Variants in FBXO34 observed in about 807,000 individuals in gnomAD.
FBXO34 encodes F-box protein 34, also known as F-box only protein 34.
FBXO34 carries 12 observed loss-of-function variants against 24.5 expected under a neutral mutation model. The ratio of observed to expected loss-of-function variants is 0.49; its 90% CI spans 0.31 to 0.79. The LOEUF (loss-of-function observed/expected upper bound fraction) is 0.79, where lower values mean the gene tolerates loss of function less well. FBXO34 is among the 30% of genes least tolerant of loss of function. The pLI is 0.04. For synonymous variants in FBXO34, 320 were observed against 311.9 expected (o/e 1.03, Z -0.27); for missense variants, 823 against 857.7 (o/e 0.96, Z 0.51).
chr14:55,426,800 C>T, the FBXO34 span, among the ~76,000 whole-genome samples: 154 of 152,298 alleles, frequency 1.0e-3, no homozygotes, highest in Admixed American at 1.8e-3. Context: ...GGGCCCACTC[C>T]GTCTGATGTA....
the FBXO34 span, among the ~76,000 whole-genome samples, chr14:55,401,925 G>A: frequency 6.6e-6 from 1 of 152,188 alleles, no homozygotes; most frequent in Non-Finnish European, 1.5e-5. Context: ...ATTTCAACAC[G>A]CCAAGTGGGA....
At chr14:55,362,613 C>G (rs765723405), downstream of FBXO34, among the ~76,000 whole-genome samples, 1 of 152,204 alleles carries the variant, frequency 6.6e-6, no homozygotes, top group African/African-American at 2.4e-5. Flanking sequence ...GGCCCCTGAA[C>G]CAGAAAACAG....
chr14:55,327,650 G>T (rs1883383590), intron 1 of FBXO34, among the ~76,000 whole-genome samples: 1 of 152,012 alleles, frequency 6.6e-6, no homozygotes, highest in Admixed American at 6.6e-5. Flanking sequence ...AGTGCATAGG[G>T]AATCAGGATT....
intron 1 of FBXO34, among the ~76,000 whole-genome samples, chr14:55,273,997 G>T (rs1283299708): frequency 1.3e-5 from 2 of 152,118 alleles, no homozygotes; most frequent in African/African-American, 4.8e-5. Flanking sequence ...GCAAAGACGG[G>T]GTTTCACTGT....
At chr14:55,400,308 T>A in the FBXO34 span, among the ~76,000 whole-genome samples, 2 of 152,120 alleles carry the variant, frequency 1.3e-5, no homozygotes, top group Non-Finnish European at 2.9e-5. Context: ...ATGATACATA[T>A]TATATATATA....
At chr14:55,290,407 T>A (rs938844877) in intron 1 of FBXO34, among the ~76,000 whole-genome samples, 49 of 151,410 alleles carry the variant, frequency 3.2e-4, no homozygotes, top group African/African-American at 1.1e-3. Flanking sequence ...AAAAAATAAA[T>A]AAAATAAATA....
chr14:55,360,887 A>G (rs1484263857), intron 3 of FBXO34, among the ~76,000 whole-genome samples: 1 of 152,068 alleles, frequency 6.6e-6, no homozygotes, highest in Non-Finnish European at 1.5e-5. Flanking sequence ...AATCCCAGCT[A>G]TTCGGGAGGC....
At chr14:55,424,839 T>A in the FBXO34 span, among the ~76,000 whole-genome samples, 1 of 152,158 alleles carries the variant, frequency 6.6e-6, no homozygotes, top group Non-Finnish European at 1.5e-5. Context: ...GGCCACTCCA[T>A]GGAGCGAAAG....
At chr14:55,325,219 G>A (rs1883300237) in intron 1 of FBXO34, among the ~76,000 whole-genome samples, 1 of 152,124 alleles carries the variant, frequency 6.6e-6, no homozygotes, top group African/African-American at 2.4e-5. Context: ...AGCAGCATTG[G>A]GCTTGCACAG....
the FBXO34 span, among the ~76,000 whole-genome samples, chr14:55,422,682 T>A: frequency 6.6e-6 from 1 of 152,040 alleles, no homozygotes; most frequent in Non-Finnish European, 1.5e-5. Context: ...CAAAACCCCA[T>A]CTCTTCGAAA....
chr14:55,327,907 GGTTTTTT>G (rs1566557735), intron 1 of FBXO34, among the ~76,000 whole-genome samples: 29 of 73,864 alleles, frequency 3.9e-4, no homozygotes, highest in African/African-American at 1.5e-3. Flanking sequence ...TGTTGTTGTT[GGTTTTTT>G]TTTTTTTTTT....
At chr14:55,309,259 A>G (rs1882653584) in intron 1 of FBXO34, among the ~76,000 whole-genome samples, 1 of 152,116 alleles carries the variant, frequency 6.6e-6, no homozygotes, top group Non-Finnish European at 1.5e-5. Context: ...GCCAAGGTTG[A>G]TGTGAAAAAA....
chr14:55,385,274 T>C, the FBXO34 span, among the ~76,000 whole-genome samples: 1 of 152,090 alleles, frequency 6.6e-6, no homozygotes, highest in African/African-American at 2.4e-5. Context: ...ATACCACCCA[T>C]CAGATGGTTC....
rs757944366 is a variant in FBXO34 at position 55,351,682 on chromosome 14, C to G, written c.1292C>G (p.Ala431Gly). The change falls in exon 2 of 2, where the codon GCT becomes GGT. Residue 431 changes from alanine to glycine, a missense_variant. Around this residue, in one of 2 missense-constraint regions of FBXO34, gnomAD observed 693 missense variants for 659.1 expected, o/e 1.05. Transcript: ENST00000313833. ...YSQASELPTD[A>G]VDCMSRELVS... ...CAAGCCTCTGAATTGCCCACAGATG[C>G]TGTTGATTGTATGAGCAGAGAGCTT... The G allele has an allele frequency of 1.2e-6, 2 of 1,614,180 alleles. No homozygotes were observed. Among genetic ancestry groups the G allele is most frequent in the South Asian group, 2.2e-5 (2 of 91,084 alleles).
At position 55,350,813 on chromosome 14, in the gene FBXO34, G is replaced by A. The variant is rs1566567819; in HGVS notation, c.423G>A (p.Trp141Ter). The A allele has an allele frequency of 1.9e-6, 3 of 1,609,806 alleles. No homozygotes were observed. Among genetic ancestry groups the A allele is most frequent in the Non-Finnish European group, 2.5e-6 (3 of 1,178,906 alleles). The part of the protein sequence containing the change: ...RIGSMKIKSS[W>*]DIDGRATKRR... The stretch of plus-strand genomic sequence containing the variant: ...GATCTATGAAAATAAAAAGTTCCTG[G>A]GATATTGATGGGAGAGCTACTAAGA... The change falls in exon 2 of 2, where the codon TGG becomes TGA. Residue 141 changes from tryptophan to a stop codon, truncating the protein, a stop_gained. Transcript: ENST00000313833. LOFTEE classifies it low-confidence loss of function (END_TRUNC).
intron 1 of FBXO34, among the ~76,000 whole-genome samples, chr14:55,314,976 C>G (rs1326632279): frequency 6.6e-6 from 1 of 152,166 alleles, no homozygotes; most frequent in East Asian, 1.9e-4. Flanking sequence ...CTTGATTTCT[C>G]AGCTTCAGGT....
intron 1 of FBXO34, chr14:55,282,311 C>G (rs1420610342): frequency 2.2e-6 from 1 of 456,144 alleles, no homozygotes; most frequent in East Asian, 6.0e-5. Context: ...CTTTTTGACT[C>G]TGTGCTTGTG....
chr14:55,292,386 G>T (rs1881971740), intron 1 of FBXO34, among the ~76,000 whole-genome samples: 1 of 151,736 alleles, frequency 6.6e-6, no homozygotes. Flanking sequence ...TTGAGACAGG[G>T]TCTTGCTCTG....
chr14:55,352,524 TA>T lies in FBXO34; in HGVS notation c.*1del. On this transcript the variant is annotated frameshift_variant and stop_lost, in exon 2 of 2. Coordinates refer to ENST00000313833, the MANE Select transcript of FBXO34 (RefSeq NM_017943.4). LOFTEE classifies it high-confidence loss of function. ...AGGGACTGAAGCTGAAGAGGAATAC[TA>T]AAGTCCATGTGAGAGGCAACAAAAG... The part of the protein sequence containing the change: ...AKGTEAEEEY[*>X] 6.3e-7 allele frequency: 1 copy of T among 1,596,736 alleles called. No homozygotes were observed.
Sources: gnomAD v4.1 joint callset for allele counts (sites outside exome capture counted in the v4.1 genomes callset) on GRCh38, gnomAD v4.1.1 for gene constraint, gnomAD v4.1.1 regional missense constraint, MANE v1.5 for transcripts, NCBI Gene and HGNC (gene_info 2026-07-23, HGNC 2026-07-21) for gene names.